SPECC1: variants seen among roughly 807,000 people sequenced by gnomAD.
SPECC1 encodes cytospin-B.
A neutral mutation model predicts 104.1 loss-of-function variants in SPECC1; 62 were observed. That is an observed-to-expected ratio of 0.60 (90% CI 0.49 to 0.74). The LOEUF is 0.74. Ranked by LOEUF, SPECC1 falls within the 30% of genes least tolerant of loss-of-function variation. The pLI, the probability that SPECC1 is intolerant of heterozygous loss-of-function variation, is 0.00. For missense variants in SPECC1, 1,306 were observed against 1,310.5 expected, an observed-to-expected ratio of 1.00 and a Z score of 0.05; for synonymous variants, 513 against 501.6, an observed-to-expected ratio of 1.02 and a Z score of -0.30.
intron 3 of SPECC1, among the ~76,000 whole-genome samples, chr17:20,173,311 A>G (rs538353060): frequency 3.3e-5 from 5 of 152,208 alleles, no homozygotes; most frequent in Non-Finnish European, 7.3e-5. Flanking sequence ...ATTACTCCCA[A>G]AGAAGTTTCT....
intron 3 of SPECC1, among the ~76,000 whole-genome samples, chr17:20,136,044 G>A (rs1469000646): frequency 1.3e-5 from 2 of 152,126 alleles, no homozygotes; most frequent in Non-Finnish European, 2.9e-5. Flanking sequence ...TGTTGCTGTA[G>A]AAAGGGCCTA....
intron 3 of SPECC1, among the ~76,000 whole-genome samples, chr17:20,141,786 A>C (rs1350312583): frequency 6.6e-6 from 1 of 152,130 alleles, no homozygotes; most frequent in Non-Finnish European, 1.5e-5. Context: ...TCTCCCTGCC[A>C]CTTCCTCAGA....
intron 11 of SPECC1, among the ~76,000 whole-genome samples, chr17:20,259,096 A>C (rs1228317979): frequency 6.6e-6 from 1 of 152,270 alleles, no homozygotes; most frequent in Non-Finnish European, 1.5e-5. Flanking sequence ...ATAATCACAA[A>C]TATGGGTATT....
intron 7 of SPECC1, among the ~76,000 whole-genome samples, chr17:20,243,587 C>T (rs2039296532): frequency 6.6e-6 from 1 of 152,176 alleles, no homozygotes; most frequent in South Asian, 2.1e-4. Flanking sequence ...CACACACATA[C>T]CACTGTTACA....
At chr17:20,017,889 AT>A (rs1203934622) in intron 1 of SPECC1, 7 of 152,166 alleles carry the variant, frequency 4.6e-5, no homozygotes, top group Non-Finnish European at 1.0e-4. Context: ...TGTTCTGTTG[AT>A]TCAGTGTCCC....
intron 1 of SPECC1, chr17:20,057,867 GTTTC>G (rs2046028036): frequency 6.6e-6 from 1 of 152,054 alleles, no homozygotes; most frequent in Non-Finnish European, 1.5e-5. Flanking sequence ...TCTGGAAAAT[GTTTC>G]TTTATATCAT....
chr17:20,171,165 C>T (rs1284419907), intron 3 of SPECC1, among the ~76,000 whole-genome samples: 3 of 152,212 alleles, frequency 2.0e-5, no homozygotes. Context: ...AATTAATATA[C>T]TTCCAAACTG....
chr17:20,217,788 G>A (rs564857804), intron 4 of SPECC1, among the ~76,000 whole-genome samples: 1 of 152,286 alleles, frequency 6.6e-6, no homozygotes, highest in East Asian at 1.9e-4. Flanking sequence ...AGCAGCTCAT[G>A]CCTGTAATCC....
Position 20,315,109 on chromosome 17 carries a change from G to A in SPECC1, c.*1044G>A, listed in dbSNP as rs899151567. The A allele has an allele frequency of 4.3e-5, 10 of 232,972 alleles. No individual in the cohort carries two copies. Among genetic ancestry groups the A allele is most frequent in the Admixed American group, 1.7e-4 (3 of 17,776 alleles). The allele number at this position is 232,972 out of a possible 1,614,324, so 14.4% of individuals were successfully genotyped here. On this transcript the variant is annotated 3_prime_UTR_variant, in exon 15 of 15. Transcript: ENST00000395527. The stretch of plus-strand genomic sequence containing the variant: ...TGACAGGAGGTCACATGTGTGAATG[G>A]CCTGTGTCTGCTTTACAGGGTTGAG...
chr17:20,260,894 G>A lies in SPECC1; in HGVS notation c.2940+600G>A, dbSNP rs534299943. Among the ~76,000 whole-genome samples the A allele has an allele frequency of 2.0e-5, 3 of 152,290 alleles. No homozygotes were observed. In the South Asian group the frequency reaches 6.2e-4, roughly 32 times the overall value. The stretch of plus-strand genomic sequence containing the variant: ...GTTGTCTTGAGTCATGGGCCACCTA[G>A]TGTTCTGGTTGGTGGCAGCAAGGCT... On this transcript the variant is annotated intron_variant, in intron 12 of 14. Transcript: ENST00000395527.
chr17:20,162,224 C>A (rs1231655959), intron 3 of SPECC1, among the ~76,000 whole-genome samples: 1 of 152,154 alleles, frequency 6.6e-6, no homozygotes, highest in Non-Finnish European at 1.5e-5. Context: ...CGCCTCACTG[C>A]AAGCTCCACC....
chr17:20,282,251 G>A (rs1308367513), intron 12 of SPECC1, among the ~76,000 whole-genome samples: 1 of 152,210 alleles, frequency 6.6e-6, no homozygotes, highest in African/African-American at 2.4e-5. Flanking sequence ...CTGTCTCCAG[G>A]GAGGGACTGT....
intron 3 of SPECC1, chr17:20,126,346 G>A (rs1041460778): frequency 2.7e-5 from 4 of 145,646 alleles, no homozygotes; most frequent in African/African-American, 1.0e-4. Context: ...TATTCCTATT[G>A]TGAATGGGAT....
At chr17:20,292,049 C>G (rs555613421) in intron 12 of SPECC1, among the ~76,000 whole-genome samples, 1 of 151,934 alleles carries the variant, frequency 6.6e-6, no homozygotes, top group Admixed American at 6.6e-5. Flanking sequence ...GTTTCTGGAT[C>G]TAAAGCCTGG....
chr17:20,217,438 G>T (rs889345014), intron 4 of SPECC1, among the ~76,000 whole-genome samples: 2 of 152,100 alleles, frequency 1.3e-5, no homozygotes, highest in Non-Finnish European at 2.9e-5. Context: ...GTAACTTGGC[G>T]CAGAGCCTTT....
At chr17:20,196,236 T>G (rs755151190) in intron 3 of SPECC1, among the ~76,000 whole-genome samples, 1 of 152,380 alleles carries the variant, frequency 6.6e-6, no homozygotes, top group Non-Finnish European at 1.5e-5. Flanking sequence ...AACTATTTCT[T>G]CAATAGTCTC....
At chr17:20,150,129 C>T (rs772842070) in intron 3 of SPECC1, among the ~76,000 whole-genome samples, 3 of 151,038 alleles carry the variant, frequency 2.0e-5, no homozygotes, top group Non-Finnish European at 4.4e-5. Flanking sequence ...CCCGCCACCA[C>T]GCCCGGCTAA....
In SPECC1 at chr17:20,012,950, T is replaced by C. The variant is rs533695765; in HGVS notation, c.-22+3526T>C. ...TGAGTATCTAATATAGTACCTCATA[T>C]AGTATTTGTCTTTTTATAACTGGCT... On this transcript the variant is annotated intron_variant, in intron 1 of 14. Coordinates refer to ENST00000395527, the MANE Select transcript of SPECC1 (RefSeq NM_001243439.2). Among the ~76,000 whole-genome samples, 11 of 152,330 alleles carry C rather than the reference T, an allele frequency of 7.2e-5. No individual in the cohort carries two copies. In the South Asian group the frequency reaches 2.3e-3, roughly 32 times the overall value.
intron 14 of SPECC1, 100 bp downstream of exon 14, chr17:20,306,182 T>G: frequency 8.7e-7 from 1 of 1,155,534 alleles, no homozygotes; most frequent in Non-Finnish European, 1.3e-6. Context: ...GACATCTGTT[T>G]GCCGAAAGTC....
Sources: allele counts gnomAD v4.1 joint callset (sites outside exome capture counted in the v4.1 genomes callset), GRCh38; gene constraint gnomAD v4.1.1; transcripts MANE v1.5; gene names NCBI Gene and HGNC (gene_info 2026-07-23, HGNC 2026-07-21).